STAU2: variants seen among roughly 807,000 people sequenced by gnomAD.
STAU2 encodes the protein staufen double-stranded RNA binding protein 2.
STAU2 carries 20 observed loss-of-function variants against 65.9 expected under a neutral mutation model. The ratio of observed to expected loss-of-function variants is 0.30; its 90% confidence interval spans 0.21 to 0.44. The LOEUF (loss-of-function observed/expected upper bound fraction) is 0.44. STAU2 is among the 20% of genes least tolerant of loss of function. The pLI, the probability that STAU2 is intolerant of heterozygous loss-of-function variation, is 1.00. For missense variants in STAU2, 558 were observed against 683.9 expected, an observed-to-expected ratio of 0.82 and a Z score of 2.05; for synonymous variants, 232 against 233.9, an observed-to-expected ratio of 0.99 and a Z score of 0.07.
chr8:73,610,687 T>C (rs1812384395), intron 9 of STAU2, among the ~76,000 whole-genome samples: 1 of 152,194 alleles, frequency 6.6e-6, no homozygotes, highest in Admixed American at 6.5e-5. Flanking sequence ...AAGGACAGTC[T>C]TGTAATAATT....
At chr8:73,722,686 G>T (rs1192654195) in intron 3 of STAU2, among the ~76,000 whole-genome samples, 24 of 151,928 alleles carry the variant, frequency 1.6e-4, no homozygotes, top group Admixed American at 1.6e-3. Context: ...CTGCTTTTCA[G>T]ATTTTCTCTT....
At chr8:73,482,741 T>G (rs1401889739) in intron 13 of STAU2, among the ~76,000 whole-genome samples, 1 of 152,164 alleles carries the variant, frequency 6.6e-6, no homozygotes, top group African/African-American at 2.4e-5. Context: ...TTTTAACATG[T>G]AGCAATAACT....
chr8:73,707,061 G>A (rs916797334), intron 4 of STAU2, among the ~76,000 whole-genome samples: 2 of 152,318 alleles, frequency 1.3e-5, no homozygotes, highest in South Asian at 4.1e-4. Flanking sequence ...TCACTCTTGG[G>A]AGAAGAAGGC....
chr8:73,608,299 A>G (rs1170547587), intron 9 of STAU2, among the ~76,000 whole-genome samples: 1 of 152,106 alleles, frequency 6.6e-6, no homozygotes, highest in Admixed American at 6.6e-5. Context: ...AAAAAAAGGA[A>G]CCAACTTAAA....
chr8:73,451,918 C>G (rs1384921302), intron 13 of STAU2, among the ~76,000 whole-genome samples: 3 of 152,190 alleles, frequency 2.0e-5, no homozygotes, highest in African/African-American at 7.2e-5. Context: ...GCATGCTGCC[C>G]AAGGACTGAA....
intron 12 of STAU2, among the ~76,000 whole-genome samples, chr8:73,581,315 T>C (rs902232490): frequency 6.6e-6 from 1 of 152,212 alleles, no homozygotes; most frequent in Admixed American, 6.5e-5. Flanking sequence ...GTTTAGTGCC[T>C]GAATGTAACT....
intron 13 of STAU2, among the ~76,000 whole-genome samples, chr8:73,444,155 C>A (rs1585769318): frequency 1.3e-5 from 2 of 152,262 alleles, no homozygotes; most frequent in East Asian, 3.9e-4. Context: ...GTCTGTAATT[C>A]CAGCACTTTG....
chr8:73,617,577 A>G (rs1020374369), intron 6 of STAU2, 126 bp from the exon 7 acceptor site: 1 of 903,204 alleles, frequency 1.1e-6, no homozygotes, highest in African/African-American at 1.7e-5. Flanking sequence ...TTTAACCTCA[A>G]AAACATACTT....
intron 6 of STAU2, among the ~76,000 whole-genome samples, chr8:73,671,949 C>T (rs769703437): frequency 5.9e-5 from 9 of 151,864 alleles, no homozygotes; most frequent in Non-Finnish European, 1.2e-4. Flanking sequence ...CACTTGAACC[C>T]GGGAGGCTGT....
chr8:73,496,343 G>C (rs1302560677), intron 13 of STAU2, among the ~76,000 whole-genome samples: 1 of 151,586 alleles, frequency 6.6e-6, no homozygotes, highest in Non-Finnish European at 1.5e-5. Context: ...GACCACTTTG[G>C]AGGAATCAAT....
chr8:73,532,264 C>T (rs1293173858), intron 13 of STAU2, among the ~76,000 whole-genome samples: 2 of 152,064 alleles, frequency 1.3e-5, no homozygotes, highest in Admixed American at 1.3e-4. Flanking sequence ...AATATTTTAC[C>T]CCAATATATA....
At chr8:73,588,990 C>T (rs1810577902) in intron 11 of STAU2, among the ~76,000 whole-genome samples, 1 of 152,132 alleles carries the variant, frequency 6.6e-6, no homozygotes, top group Non-Finnish European at 1.5e-5. Context: ...TAGCAGCAGT[C>T]TACTACAGAG....
chr8:73,621,148 T>C (rs935506637), intron 6 of STAU2, among the ~76,000 whole-genome samples: 6 of 152,196 alleles, frequency 3.9e-5, no homozygotes, highest in African/African-American at 1.4e-4. Flanking sequence ...TCTTGAATTG[T>C]AATCCAAATT....
At chr8:73,694,240 T>G (rs1053986415) in intron 4 of STAU2, among the ~76,000 whole-genome samples, 3 of 152,056 alleles carry the variant, frequency 2.0e-5, no homozygotes, top group Non-Finnish European at 4.4e-5. Flanking sequence ...ACAATTAAAG[T>G]CAGATTCAAT....
chr8:73,437,833 G>A (rs771071855), intron 13 of STAU2, among the ~76,000 whole-genome samples: 17 of 152,114 alleles, frequency 1.1e-4, no homozygotes, highest in Non-Finnish European at 1.5e-4. Context: ...AGAAGAGCTC[G>A]CCCTCCTGCT....
At chr8:73,690,050 C>T (rs181269452) in intron 4 of STAU2, among the ~76,000 whole-genome samples, 130 of 151,520 alleles carry the variant, frequency 8.6e-4, no homozygotes, top group African/African-American at 3.0e-3. Flanking sequence ...ACATGAAGGC[C>T]GTGCACAGTG....
At chr8:73,554,574 T>G (rs1807582560) in intron 12 of STAU2, among the ~76,000 whole-genome samples, 1 of 152,162 alleles carries the variant, frequency 6.6e-6, no homozygotes, top group African/African-American at 2.4e-5. Flanking sequence ...CATGAGGGTA[T>G]CTTAAATTTC....
rs77701573 is a variant in STAU2, at chr8:73,427,998, A to C, written c.1531-5296T>G. Among the ~76,000 whole-genome samples, 1,299 of 152,344 alleles carry C rather than the reference A, an allele frequency of 8.5e-3. 14 individuals are homozygous for C. Among genetic ancestry groups the C allele is most frequent in the African/African-American group, 0.023 (947 of 41,564 alleles). ...GACAACACCTGAAATATACTCTCAG[A>C]GCAATATCAAAATGTGCAGTACTCA... On this transcript the variant is annotated intron_variant, in intron 13 of 14. Transcript: ENST00000524300.
At chr8:73,447,279 T>A (rs1305983840) in intron 13 of STAU2, among the ~76,000 whole-genome samples, 1 of 152,248 alleles carries the variant, frequency 6.6e-6, no homozygotes, top group African/African-American at 2.4e-5. Flanking sequence ...ATATGGACTT[T>A]TGGTTTTTTC....
Sources: allele counts gnomAD v4.1 joint callset (sites outside exome capture counted in the v4.1 genomes callset), GRCh38; gene constraint gnomAD v4.1.1; transcripts MANE v1.5; gene names NCBI Gene and HGNC (gene_info 2026-07-23, HGNC 2026-07-21).